The following FNIP2 variants were observed in gnomAD, a reference collection of about 807,000 sequenced individuals.
The protein encoded by FNIP2 is folliculin-interacting protein 2.
A neutral mutation model predicts 108.7 loss-of-function variants in FNIP2; 32 were observed. That is an observed-to-expected ratio of 0.29 (90% CI 0.22 to 0.40). FNIP2 has a LOEUF of 0.40. Among genes scored for constraint, FNIP2 ranks in the 10% least tolerant of loss-of-function variants. FNIP2 has a pLI of 1.00. For synonymous variants in FNIP2, 480 were observed against 496.7 expected, an observed-to-expected ratio of 0.97 and a Z score of 0.45; for missense variants, 1,202 against 1,381.6, an observed-to-expected ratio of 0.87 and a Z score of 2.06.
intron 1 of FNIP2, among the ~76,000 whole-genome samples, chr4:158,808,908 A>G (rs185001620): frequency 6.6e-6 from 1 of 152,334 alleles, no homozygotes; most frequent in East Asian, 1.9e-4. Context: ...TGATGGCCAC[A>G]GTGTAAAACA....
At position 158,833,594 on chromosome 4, in the gene FNIP2, T is replaced by C. The variant is rs1778599264; in HGVS notation, c.621T>C (p.Asn207=). The change falls in exon 6 of 17, where the codon AAT becomes AAC. Residue 207 remains asparagine, a synonymous_variant. Coordinates refer to ENST00000264433, the MANE Select transcript of FNIP2 (RefSeq NM_020840.3). ...PNLGKLNTNQ[N]SLGPCRTGSN... Reference sequence around the variant, plus strand: ...TGGGAAAACTGAACACAAATCAAAATAGTTTGGGTCCTTGTCGTACTGGAA... The same window carrying C: ...TGGGAAAACTGAACACAAATCAAAACAGTTTGGGTCCTTGTCGTACTGGAA... 1.2e-6 allele frequency: 2 copies of C among 1,611,598 alleles called. No homozygotes were observed. The highest frequency in any genetic ancestry group is 1.7e-6 in the Non-Finnish European group (2 of 1,179,282).
chr4:158,869,470 A>T (rs1780802382), intron 13 of FNIP2, 42 bp downstream of exon 13: 1 of 1,523,178 alleles, frequency 6.6e-7, no homozygotes, highest in African/African-American at 1.4e-5. Context: ...CTGGGTTCAA[A>T]TCCCACTTTC....
intron 3 of FNIP2, among the ~76,000 whole-genome samples, chr4:158,831,630 G>A (rs925053796): frequency 1.3e-5 from 2 of 152,076 alleles, no homozygotes; most frequent in Non-Finnish European, 2.9e-5. Context: ...AAAACACTTG[G>A]ATCCTAGGTG....
chr4:158,898,423 T>C (rs930257100), intron 16 of FNIP2, among the ~76,000 whole-genome samples: 2 of 152,184 alleles, frequency 1.3e-5, no homozygotes, highest in Non-Finnish European at 2.9e-5. Context: ...ATAAATTACT[T>C]TGGGGAGTAT....
At chr4:158,816,236 A>AG (rs2126527528) in intron 1 of FNIP2, among the ~76,000 whole-genome samples, 1 of 152,328 alleles carries the variant, frequency 6.6e-6, no homozygotes, top group South Asian at 2.1e-4. Context: ...GGAAAATGGA[A>AG]GTATTACCTT....
intron 16 of FNIP2, among the ~76,000 whole-genome samples, chr4:158,898,379 TC>T (rs1327085604): frequency 1.6e-4 from 25 of 152,304 alleles, no homozygotes; most frequent in Admixed American, 3.3e-4. Flanking sequence ...GTGAAGAACA[TC>T]CATGGGAGCT....
chr4:158,784,088 G>A (rs1776138549), intron 1 of FNIP2, among the ~76,000 whole-genome samples: 1 of 152,214 alleles, frequency 6.6e-6, no homozygotes, highest in Admixed American at 6.5e-5. Flanking sequence ...GTTACAAGGA[G>A]AAGTTGGTTT....
intron 3 of FNIP2, among the ~76,000 whole-genome samples, chr4:158,831,317 A>C (rs1216635834): frequency 6.6e-6 from 1 of 152,202 alleles, no homozygotes; most frequent in Non-Finnish European, 1.5e-5. Flanking sequence ...CATGAGAAAG[A>C]CTGGTCAGAA....
At chr4:158,850,521 A>G (rs1341587421) in intron 7 of FNIP2, among the ~76,000 whole-genome samples, 2 of 151,130 alleles carry the variant, frequency 1.3e-5, no homozygotes, top group Non-Finnish European at 2.9e-5. Context: ...TAGGCATCTA[A>G]TATGTAGCAG....
At chr4:158,877,376 G>T (rs1239587083) in intron 14 of FNIP2, among the ~76,000 whole-genome samples, 1 of 152,140 alleles carries the variant, frequency 6.6e-6, no homozygotes, top group African/African-American at 2.4e-5. Flanking sequence ...CTGTCTTCAT[G>T]TATACCTACA....
Position 158,843,483 on chromosome 4 carries a change from T to C in FNIP2, c.728-7838T>C, listed in dbSNP as rs1198853405. On this transcript the variant is annotated intron_variant, in intron 7 of 16. Coordinates refer to ENST00000264433, the MANE Select transcript of FNIP2 (RefSeq NM_020840.3). ...GAGAATAGATCAGTGGTCAAATGGATATTATCCCTGATCTCACAGATTTTA... is the reference window on the plus strand; with the variant it reads ...GAGAATAGATCAGTGGTCAAATGGACATTATCCCTGATCTCACAGATTTTA... Among the ~76,000 whole-genome samples the C allele has an allele frequency of 2.6e-5, 4 of 152,212 alleles. No homozygotes were observed. In the East Asian group the frequency reaches 7.7e-4, roughly 29 times the overall value.
intron 1 of FNIP2, among the ~76,000 whole-genome samples, chr4:158,799,119 G>C (rs1353258109): frequency 6.6e-6 from 1 of 152,182 alleles, no homozygotes; most frequent in East Asian, 1.9e-4. Flanking sequence ...CCATGAGGTG[G>C]CTAAATTGTC....
At chr4:158,840,720 AGTACATGAGTAGAGTAAG>A (rs1371500367) in intron 7 of FNIP2, among the ~76,000 whole-genome samples, 1 of 152,202 alleles carries the variant, frequency 6.6e-6, no homozygotes, top group Non-Finnish European at 1.5e-5. Context: ...GGAAGTCTTG[AGTACATGAGTAGAGTAAG>A]GTTCAGAGGG....
chr4:158,806,182 A>G, intron 1 of FNIP2: 1 of 1,259,912 alleles, frequency 7.9e-7, no homozygotes, highest in Non-Finnish European at 1.0e-6. Context: ...AAGGAACTTC[A>G]GGATTTGTCT....
chr4:158,898,758 T>C (rs1782924012), intron 16 of FNIP2, among the ~76,000 whole-genome samples: 1 of 152,224 alleles, frequency 6.6e-6, no homozygotes, highest in Non-Finnish European at 1.5e-5. Flanking sequence ...GTTTTCCAAA[T>C]ATACAATCAT....
At chr4:158,786,927 C>T (rs926079988) in intron 1 of FNIP2, among the ~76,000 whole-genome samples, 1 of 151,832 alleles carries the variant, frequency 6.6e-6, no homozygotes, top group African/African-American at 2.4e-5. Context: ...GGATAGGAAA[C>T]AGTAGTGGGA....
intron 6 of FNIP2, chr4:158,834,604 T>A (rs1333511903): frequency 6.6e-6 from 1 of 152,162 alleles, no homozygotes; most frequent in Non-Finnish European, 1.5e-5. Context: ...TCTTTAAAAT[T>A]GTGAAAATAA....
chr4:158,779,933 G>A (rs1217653279), intron 1 of FNIP2, among the ~76,000 whole-genome samples: 2 of 151,906 alleles, frequency 1.3e-5, no homozygotes, highest in Non-Finnish European at 1.5e-5. Flanking sequence ...TAGAGGCCAG[G>A]CACGGTGGCT....
At chr4:158,871,732 T>C in intron 14 of FNIP2, 1 of 985,292 alleles carries the variant, frequency 1.0e-6, no homozygotes, top group Non-Finnish European at 1.2e-6. Flanking sequence ...AAGTTGCTTT[T>C]GTCCCTATAA....
Sources: allele counts gnomAD v4.1 joint callset (sites outside exome capture counted in the v4.1 genomes callset), GRCh38; gene constraint gnomAD v4.1.1; transcripts MANE v1.5; gene names NCBI Gene and HGNC (gene_info 2026-07-23, HGNC 2026-07-21).